PLPPR1: variants seen among roughly 807,000 people sequenced by gnomAD.
PLPPR1 encodes the protein phospholipid phosphatase related 1, also known as phospholipid phosphatase-related protein type 1.
A neutral mutation model predicts 33.1 loss-of-function variants in PLPPR1; 10 were observed. That is an observed-to-expected ratio of 0.30 (90% CI 0.19 to 0.51). PLPPR1 has a LOEUF of 0.51. Ranked by LOEUF, PLPPR1 falls within the 20% of genes least tolerant of loss-of-function variation. The pLI is 0.97. For synonymous variants in PLPPR1, 151 were observed against 151.0 expected (o/e 1.00, Z 0.00); for missense variants, 304 against 408.1 (o/e 0.74, Z 2.20).
chr9:101,118,014 A>C (rs1411138703), intron 1 of PLPPR1, among the ~76,000 whole-genome samples: 6 of 152,248 alleles, frequency 3.9e-5, no homozygotes, highest in Admixed American at 2.0e-4. Flanking sequence ...CAGTATTTTC[A>C]AGTAAAAAGC....
intron 1 of PLPPR1, among the ~76,000 whole-genome samples, chr9:101,056,179 A>T (rs898377383): frequency 6.6e-6 from 1 of 152,154 alleles, no homozygotes; most frequent in Admixed American, 6.5e-5. Flanking sequence ...GCTTGTGTGG[A>T]TGGAGGGAAA....
rs1304488793 is a variant in PLPPR1, at chr9:101,265,216, T to A, written c.64-4664T>A. 2.6e-5 allele frequency among the ~76,000 whole-genome samples: 4 copies of A among 152,328 alleles called. No individual in the cohort carries two copies. The South Asian group carries it at 8.3e-4, about 32-fold the overall frequency. ...AAGCTGAATTTCAGATATTGCTGGATTCTGCCTTCTGAAGCCTCGTGGAAT... is the reference window on the plus strand; with the variant it reads ...AAGCTGAATTTCAGATATTGCTGGAATCTGCCTTCTGAAGCCTCGTGGAAT... On this transcript the variant is annotated intron_variant, in intron 2 of 7. Coordinates refer to ENST00000374874, the MANE Select transcript of PLPPR1 (RefSeq NM_207299.2).
At chr9:101,168,043 T>C (rs2915417) in intron 1 of PLPPR1, among the ~76,000 whole-genome samples, 108,521 of 151,946 alleles carry the variant, frequency 0.71, 39,165 homozygotes, top group Non-Finnish European at 0.75. Context: ...ATCATAAGAA[T>C]AGCATGGGAA....
chr9:101,281,380 A>T (rs1828301137), intron 3 of PLPPR1, among the ~76,000 whole-genome samples: 1 of 152,088 alleles, frequency 6.6e-6, no homozygotes, highest in Non-Finnish European at 1.5e-5. Flanking sequence ...AATACCAACG[A>T]TGTTCTTCAA....
chr9:101,096,556 AT>A (rs1476494720), intron 1 of PLPPR1, among the ~76,000 whole-genome samples: 1 of 152,238 alleles, frequency 6.6e-6, no homozygotes, highest in Non-Finnish European at 1.5e-5. Flanking sequence ...AAATAAGCAC[AT>A]GAATATCAAA....
chr9:101,091,922 T>C (rs1830746135), intron 1 of PLPPR1, among the ~76,000 whole-genome samples: 1 of 152,248 alleles, frequency 6.6e-6, no homozygotes, highest in South Asian at 2.1e-4. Context: ...CTCCCAGCTT[T>C]TGGCTTTCTC....
intron 2 of PLPPR1, among the ~76,000 whole-genome samples, chr9:101,247,638 C>T (rs996222027): frequency 6.6e-6 from 1 of 151,920 alleles, no homozygotes; most frequent in Admixed American, 6.6e-5. Flanking sequence ...TGCCTTTCAC[C>T]CATTTACTAA....
chr9:101,234,715 C>T (rs1032285712), intron 2 of PLPPR1, among the ~76,000 whole-genome samples: 34 of 151,898 alleles, frequency 2.2e-4, no homozygotes, highest in African/African-American at 8.2e-4. Flanking sequence ...GAATACCTAG[C>T]CTTTGTCTGC....
chr9:101,182,668 T>G (rs1199262105), intron 1 of PLPPR1, among the ~76,000 whole-genome samples: 1 of 151,542 alleles, frequency 6.6e-6, no homozygotes, highest in East Asian at 1.9e-4. Flanking sequence ...TTGTGTGAAT[T>G]TCACCTCAAT....
At chr9:101,223,923 AAT>A (rs1229063697) in intron 2 of PLPPR1, among the ~76,000 whole-genome samples, 1 of 152,152 alleles carries the variant, frequency 6.6e-6, no homozygotes, top group Non-Finnish European at 1.5e-5. Flanking sequence ...GTAGAAAACA[AAT>A]AGTTTTTAGT....
intron 2 of PLPPR1, among the ~76,000 whole-genome samples, chr9:101,210,189 G>A (rs10989428): frequency 1.3e-5 from 2 of 152,186 alleles, no homozygotes; most frequent in African/African-American, 4.8e-5. Flanking sequence ...TTTTGTCATA[G>A]CAAAAGTACT....
At chr9:101,281,043 C>A (rs1371392366) in intron 3 of PLPPR1, among the ~76,000 whole-genome samples, 3 of 151,868 alleles carry the variant, frequency 2.0e-5, no homozygotes, top group African/African-American at 4.8e-5. Context: ...CAAAAAAAAC[C>A]TATTAGAACT....
chr9:101,224,527 A>T (rs1461846756), intron 2 of PLPPR1, among the ~76,000 whole-genome samples: 2 of 152,192 alleles, frequency 1.3e-5, no homozygotes, highest in Non-Finnish European at 2.9e-5. Flanking sequence ...CTTCGGAAAG[A>T]AAACACACTA....
At chr9:101,315,760 T>A (rs1829039792) in intron 6 of PLPPR1, among the ~76,000 whole-genome samples, 1 of 152,150 alleles carries the variant, frequency 6.6e-6, no homozygotes, top group Non-Finnish European at 1.5e-5. Context: ...AGGGGAAGGA[T>A]GTCCTGGAGG....
intron 1 of PLPPR1, among the ~76,000 whole-genome samples, chr9:101,107,257 G>GT (rs1830983478): frequency 1.3e-5 from 1 of 75,758 alleles, no homozygotes; most frequent in Admixed American, 1.4e-4. Flanking sequence ...TTTCTGTTCT[G>GT]TTTTTTCCCC....
chr9:101,151,959 T>C (rs573481914), intron 1 of PLPPR1, among the ~76,000 whole-genome samples: 1 of 152,216 alleles, frequency 6.6e-6, no homozygotes, highest in Non-Finnish European at 1.5e-5. Flanking sequence ...TCTAGATCCT[T>C]GAGGAATCGC....
intron 2 of PLPPR1, among the ~76,000 whole-genome samples, chr9:101,200,400 G>C (rs773451565): frequency 1.3e-5 from 2 of 151,996 alleles, no homozygotes; most frequent in Non-Finnish European, 2.9e-5. Context: ...CAAATAAAGT[G>C]CTTACACCCA....
chr9:101,072,610 T>C (rs529594524), intron 1 of PLPPR1, among the ~76,000 whole-genome samples: 11 of 152,268 alleles, frequency 7.2e-5, no homozygotes, highest in African/African-American at 2.6e-4. Context: ...CAGTAGATGC[T>C]GGGCAAGTGG....
chr9:101,092,155 G>T (rs904614341), intron 1 of PLPPR1, among the ~76,000 whole-genome samples: 1 of 152,160 alleles, frequency 6.6e-6, no homozygotes, highest in African/African-American at 2.4e-5. Context: ...AGAACACATT[G>T]TGTTTCTATC....
Sources: allele counts gnomAD v4.1 joint callset (sites outside exome capture counted in the v4.1 genomes callset), GRCh38; gene constraint gnomAD v4.1.1; transcripts MANE v1.5; gene names NCBI Gene and HGNC (gene_info 2026-07-23, HGNC 2026-07-21).